Variants in KLHL1 observed in about 807,000 individuals in gnomAD.
KLHL1 encodes kelch like family member 1.
A neutral mutation model predicts 77.7 loss-of-function variants in KLHL1; 47 were observed. The ratio of observed to expected loss-of-function variants is 0.60; its 90% CI spans 0.48 to 0.77. The LOEUF (loss-of-function observed/expected upper bound fraction) is 0.77, where lower values mean the gene tolerates loss of function less well. Ranked by LOEUF, KLHL1 falls within the 30% of genes least tolerant of loss-of-function variation. The pLI, the probability that KLHL1 is intolerant of heterozygous loss-of-function variation, is 0.00. For missense variants in KLHL1, 925 were observed against 910.8 expected (o/e 1.02, Z -0.20); for synonymous variants, 360 against 325.2 (o/e 1.11, Z -1.15).
At chr13:69,795,079 A>C (rs1339640066) in intron 7 of KLHL1, among the ~76,000 whole-genome samples, 1 of 152,194 alleles carries the variant, frequency 6.6e-6, no homozygotes, top group African/African-American at 2.4e-5. Flanking sequence ...TAAAGGAATA[A>C]GACTGATTAT....
intron 2 of KLHL1, among the ~76,000 whole-genome samples, chr13:69,964,777 TCTC>T (rs1372779763): frequency 1.3e-5 from 2 of 152,162 alleles, no homozygotes; most frequent in Non-Finnish European, 2.9e-5. Flanking sequence ...TTATCTATCT[TCTC>T]CTATAAATAT....
intron 1 of KLHL1, among the ~76,000 whole-genome samples, chr13:70,021,533 C>T (rs988978457): frequency 2.0e-5 from 3 of 152,062 alleles, no homozygotes; most frequent in Non-Finnish European, 2.9e-5. Context: ...TACCAGAAAG[C>T]ATGATTGCTG....
chr13:69,925,935 G>T (rs1480206825), intron 4 of KLHL1, among the ~76,000 whole-genome samples: 1 of 152,130 alleles, frequency 6.6e-6, no homozygotes, highest in African/African-American at 2.4e-5. Flanking sequence ...AAGTTCACCA[G>T]CTACATTTTC....
intron 2 of KLHL1, among the ~76,000 whole-genome samples, chr13:69,974,992 C>CCCATGAATTT (rs1884501362): frequency 6.6e-6 from 1 of 151,940 alleles, no homozygotes; most frequent in Non-Finnish European, 1.5e-5. Context: ...CCATGTATTC[C>CCCATGAATTT]AAGACACTGA....
At chr13:69,758,119 C>G (rs1874851369) in intron 7 of KLHL1, among the ~76,000 whole-genome samples, 1 of 151,972 alleles carries the variant, frequency 6.6e-6, no homozygotes, top group Non-Finnish European at 1.5e-5. Context: ...TCTGAGATAG[C>G]ATGAAACAAT....
intron 3 of KLHL1, among the ~76,000 whole-genome samples, chr13:69,953,806 T>A (rs570198300): frequency 1.5e-4 from 22 of 151,238 alleles, no homozygotes; most frequent in South Asian, 4.1e-4. Context: ...AAAGTGAATA[T>A]CCTCTCCCAG....
chr13:69,753,957 C>T (rs1180051812), intron 7 of KLHL1, among the ~76,000 whole-genome samples: 2 of 152,076 alleles, frequency 1.3e-5, no homozygotes, highest in Admixed American at 6.6e-5. Context: ...CCACTTCAGC[C>T]TCCCAGGTAG....
In KLHL1 at chr13:69,796,729, A is replaced by G. The variant is rs1309936742; in HGVS notation, c.1639+9T>C. On this transcript the variant is annotated intron_variant, in intron 7 of 10. Transcript: ENST00000377844. Reference sequence around the variant, plus strand: ...TTCTAAAAGTAATATCAATAAAGTAAGATCTTACCTAGACCATGTCTGTGT... The same window carrying G: ...TTCTAAAAGTAATATCAATAAAGTAGGATCTTACCTAGACCATGTCTGTGT... The G allele has an allele frequency of 6.4e-7, 1 of 1,572,790 alleles. No individual in the cohort carries two copies. Among genetic ancestry groups the G allele is most frequent in the Admixed American group, 1.7e-5 (1 of 59,694 alleles).
At chr13:69,978,177 G>A (rs980557712) in intron 1 of KLHL1, among the ~76,000 whole-genome samples, 1 of 151,996 alleles carries the variant, frequency 6.6e-6, no homozygotes, top group Non-Finnish European at 1.5e-5. Context: ...GCATTGAATA[G>A]AAAAGTCACA....
At chr13:70,085,484 T>C (rs1007581327) in intron 1 of KLHL1, among the ~76,000 whole-genome samples, 1 of 152,150 alleles carries the variant, frequency 6.6e-6, no homozygotes, top group African/African-American at 2.4e-5. Flanking sequence ...AATAAGACAG[T>C]GCTTATTTTA....
chr13:69,988,861 T>G lies in KLHL1; in HGVS notation c.498-13059A>C, dbSNP rs1884946927. Among the ~76,000 whole-genome samples the G allele has an allele frequency of 2.0e-5, 3 of 152,078 alleles. No individual in the cohort carries two copies. The South Asian group carries it at 6.2e-4, about 31-fold the overall frequency. On this transcript the variant is annotated intron_variant, in intron 1 of 10. Coordinates refer to ENST00000377844, the MANE Select transcript of KLHL1 (RefSeq NM_020866.3). The stretch of plus-strand genomic sequence containing the variant: ...TTATAGATTGTGGATATTAGAGCTT[T>G]TGTCCTTTTGTCAGATGTATAATTT...
chr13:69,885,049 G>A (rs7318739), intron 4 of KLHL1, among the ~76,000 whole-genome samples: 1 of 139,706 alleles, frequency 7.2e-6, no homozygotes, highest in Non-Finnish European at 1.5e-5. Context: ...CACGCCATTC[G>A]CCTGCCTCAG....
At chr13:69,774,814 T>A (rs1350337663) in intron 7 of KLHL1, among the ~76,000 whole-genome samples, 1 of 152,224 alleles carries the variant, frequency 6.6e-6, no homozygotes, top group African/African-American at 2.4e-5. Context: ...CTATGTGTTA[T>A]CTTTTATTGT....
At chr13:69,719,183 CGTGTGTGTGTGTGT>C (rs761517378) in intron 9 of KLHL1, among the ~76,000 whole-genome samples, 172 bp downstream of exon 9, 2 of 103,800 alleles carry the variant, frequency 1.9e-5, no homozygotes, top group East Asian at 3.7e-4. Flanking sequence ...AAAGAAAGTA[CGTGTGTGTGTGTGT>C]GTGTGTGTGT....
rs71116988 is a variant in KLHL1, at chr13:70,084,622, C to CTTTTTTTTT, written c.497+22572_497+22580dup. 5.8e-3 allele frequency among the ~76,000 whole-genome samples: 86 copies of CTTTTTTTTT among 14,936 alleles called. 10 individuals are homozygous for CTTTTTTTTT. Among genetic ancestry groups the CTTTTTTTTT allele is most frequent in the African/African-American group, 0.021 (60 of 2,888 alleles). 9.8% of individuals were successfully genotyped at this position (14,936 alleles called of 152,430 possible). A position where few individuals can be genotyped will look rare whatever the true frequency, so the allele number is the denominator to read the frequency against. ...TACAGGCACCTGCCACCACGCCAGG[C>CTTTTTTTTT]TTTTTTTTTTTTTTTTTTTTTTTTT... On this transcript the variant is annotated intron_variant, in intron 1 of 10. Coordinates refer to ENST00000377844, the MANE Select transcript of KLHL1 (RefSeq NM_020866.3).
At chr13:69,733,525 G>T (rs778898316) in intron 8 of KLHL1, among the ~76,000 whole-genome samples, 3 of 152,000 alleles carry the variant, frequency 2.0e-5, no homozygotes, top group Non-Finnish European at 4.4e-5. Flanking sequence ...ATGAAAAAGA[G>T]AACACACAGA....
chr13:70,049,609 A>G (rs995523972), intron 1 of KLHL1, among the ~76,000 whole-genome samples: 1 of 152,212 alleles, frequency 6.6e-6, no homozygotes, highest in Admixed American at 6.5e-5. Flanking sequence ...TAAACTTATA[A>G]TAGTTTATTT....
intron 6 of KLHL1, among the ~76,000 whole-genome samples, chr13:69,805,112 TA>T (rs1209577919): frequency 6.6e-6 from 1 of 152,012 alleles, no homozygotes; most frequent in Non-Finnish European, 1.5e-5. Flanking sequence ...TAAAAGTCTT[TA>T]TTTTTTTAAG....
chr13:70,007,860 GC>G (rs1208037732), intron 1 of KLHL1, among the ~76,000 whole-genome samples: 1 of 151,832 alleles, frequency 6.6e-6, no homozygotes, highest in Non-Finnish European at 1.5e-5. Context: ...AATTTTACAG[GC>G]TAAGACATAT....
Sources: allele counts gnomAD v4.1 joint callset (sites outside exome capture counted in the v4.1 genomes callset), GRCh38; gene constraint gnomAD v4.1.1; transcripts MANE v1.5; gene names NCBI Gene and HGNC (gene_info 2026-07-23, HGNC 2026-07-21).